The following PPP1R1C variants were observed in gnomAD, a reference collection of about 807,000 sequenced individuals.
PPP1R1C encodes the protein protein phosphatase 1 regulatory inhibitor subunit 1C, also known as protein phosphatase 1 regulatory subunit 1C.
In PPP1R1C, 15 loss-of-function variants were observed where a neutral mutation model predicts 17.4. The ratio of observed to expected loss-of-function variants is 0.86; its 90% CI spans 0.58 to 1.33. PPP1R1C has a LOEUF of 1.33. PPP1R1C is among the 40% of genes most tolerant of loss of function. The pLI is 0.00. For missense variants in PPP1R1C, 143 were observed against 130.0 expected (o/e 1.10, Z -0.48); for synonymous variants, 35 against 43.1 (o/e 0.81, Z 0.73).
At chr2:181,989,017 C>A (rs79762094) in intron 2 of PPP1R1C, among the ~76,000 whole-genome samples, 2,312 of 152,140 alleles carry the variant, frequency 0.015, 68 homozygotes, top group African/African-American at 0.052. Flanking sequence ...ATAAGAGGTG[C>A]AAATGATATG....
chr2:181,991,932 A>C (rs1000525123), intron 2 of PPP1R1C, among the ~76,000 whole-genome samples: 12 of 152,208 alleles, frequency 7.9e-5, no homozygotes, highest in African/African-American at 2.9e-4. Context: ...AATAAATGGC[A>C]AAGATACTTT....
chr2:182,095,353 T>C (rs990138104), intron 4 of PPP1R1C, among the ~76,000 whole-genome samples: 4 of 152,122 alleles, frequency 2.6e-5, no homozygotes, highest in Non-Finnish European at 4.4e-5. Context: ...CTATATAATC[T>C]TTTTAAAATT....
intron 2 of PPP1R1C, among the ~76,000 whole-genome samples, chr2:182,013,825 GAT>G (rs1234252110): frequency 1.3e-5 from 2 of 152,112 alleles, no homozygotes; most frequent in Non-Finnish European, 2.9e-5. Context: ...AAGAGACTCA[GAT>G]ATGTTTTTCA....
intron 4 of PPP1R1C, among the ~76,000 whole-genome samples, chr2:182,069,912 CTAA>C (rs1688093555): frequency 6.6e-6 from 1 of 152,118 alleles, no homozygotes; most frequent in Non-Finnish European, 1.5e-5. Context: ...TGTGTAAGTA[CTAA>C]TAACACACTG....
At chr2:182,129,030 C>T (rs10181222) in exon 6 of PPP1R1C, 42,133 of 151,960 alleles carry the variant, frequency 0.28, 6,785 homozygotes, top group African/African-American at 0.43. Context: ...TGCTTCTACT[C>T]GAGCTTGGAA....
At chr2:182,036,589 ATC>A (rs1687010686) in intron 2 of PPP1R1C, among the ~76,000 whole-genome samples, 1 of 152,202 alleles carries the variant, frequency 6.6e-6, no homozygotes, top group Admixed American at 6.5e-5. Context: ...TCTCTAAGGT[ATC>A]TCTGCATTCT....
intron 2 of PPP1R1C, among the ~76,000 whole-genome samples, chr2:182,004,077 A>G (rs1290113233): frequency 6.6e-6 from 1 of 152,180 alleles, no homozygotes; most frequent in Non-Finnish European, 1.5e-5. Flanking sequence ...CCTAGTTAAA[A>G]TATCTTTTCT....
At chr2:182,052,002 C>CA (rs113640993) in intron 2 of PPP1R1C, among the ~76,000 whole-genome samples, 6,625 of 126,050 alleles carry the variant, frequency 0.053, 399 homozygotes, top group Admixed American at 0.2. Context: ...GACTCTGTCT[C>CA]AAAAAAAAAA....
At chr2:181,988,099 C>T (rs1685356515) in intron 2 of PPP1R1C, among the ~76,000 whole-genome samples, 200 bp downstream of exon 2, 1 of 152,176 alleles carries the variant, frequency 6.6e-6, no homozygotes, top group Admixed American at 6.5e-5. Context: ...GCCTGTATTT[C>T]CTCTAGAATA....
Position 181,962,531 on chromosome 2 carries a change from A to G in PPP1R1C, n.111+7897A>G, listed in dbSNP as rs1574340270. 8.3e-6 allele frequency: 5 copies of G among 605,238 alleles called. No individual in the cohort carries two copies. Among genetic ancestry groups the G allele is most frequent in the Non-Finnish European group, 1.2e-5 (4 of 332,056 alleles). 37.5% of individuals were successfully genotyped at this position (605,238 alleles called of 1,614,324 possible). On this transcript the variant is annotated intron_variant and non_coding_transcript_variant, in intron 1 of 5. Coordinates refer to the PPP1R1C transcript ENST00000464264. The surrounding 1 kb of genome is among the most constrained non-coding windows in gnomAD (Gnocchi z 6.0). ...AGGACTCAGGCTTTGCCGACCCGTC[A>G]TAGCAGTTTTCTAAGGAACCTGCAG...
At chr2:182,101,497 T>G (rs1229059061) in intron 4 of PPP1R1C, among the ~76,000 whole-genome samples, 1 of 152,160 alleles carries the variant, frequency 6.6e-6, no homozygotes, top group Non-Finnish European at 1.5e-5. Flanking sequence ...GTTGGGTAGA[T>G]AAAGCATGAA....
Position 181,987,860 on chromosome 2 carries a change from C to A in PPP1R1C, c.103C>A (p.Pro35Thr). 1 of 1,613,412 alleles carries A rather than the reference C, an allele frequency of 6.2e-7. No individual in the cohort carries two copies. The change falls in exon 2 of 5, where the codon CCA becomes ACA. Residue 35 changes from proline (P) to threonine (T), a missense_variant. Pro to Thr is a conservative substitution (Grantham distance 38). Transcript: ENST00000682840. The stretch of plus-strand genomic sequence containing the variant: ...ACAGATCAGGAAAAGAAGACCTACA[C>A]CAGCATCACTTGTGATTCTCAATGA... Reference protein sequence around the residue: ...AEQIRKRRPTPASLVILNEHN... With the variant: ...AEQIRKRRPTTASLVILNEHN...
chr2:181,991,233 A>T (rs553548746), intron 2 of PPP1R1C, among the ~76,000 whole-genome samples: 1 of 152,080 alleles, frequency 6.6e-6, no homozygotes, highest in South Asian at 2.1e-4. Flanking sequence ...ATATTTCAAG[A>T]TGTATATTCA....
intron 2 of PPP1R1C, among the ~76,000 whole-genome samples, chr2:182,022,283 T>C (rs1053788104): frequency 6.6e-6 from 1 of 152,222 alleles, no homozygotes; most frequent in East Asian, 1.9e-4. Flanking sequence ...ATAGGCTAAA[T>C]ACCACTTTGC....
At chr2:182,023,806 T>C (rs1164860374) in intron 2 of PPP1R1C, 2 of 151,990 alleles carry the variant, frequency 1.3e-5, no homozygotes, top group Non-Finnish European at 2.9e-5. Flanking sequence ...TTATTGTTTT[T>C]AATTTTTTTT....
At chr2:181,970,839 T>C (rs1684994071) in intron 1 of PPP1R1C, among the ~76,000 whole-genome samples, 1 of 152,178 alleles carries the variant, frequency 6.6e-6, no homozygotes, top group African/African-American at 2.4e-5. Context: ...AGGGGACTCC[T>C]TCTGTGGCCA....
Position 181,986,099 on chromosome 2 carries a change from A to G in PPP1R1C, c.-12A>G, listed in dbSNP as rs774533816. The G allele has an allele frequency of 3.1e-6, 5 of 1,610,282 alleles. No homozygotes were observed. The highest frequency in any genetic ancestry group is 2.2e-5 in the East Asian group (1 of 44,860). On this transcript the variant is annotated 5_prime_UTR_variant, in exon 1 of 5. Transcript: ENST00000682840. ...GAGCTCTTCACATCTCTGACTAATT[A>G]TCATCATTACCATGGAGCCCAACAG...
chr2:182,012,433 T>C (rs1686112598), intron 2 of PPP1R1C, among the ~76,000 whole-genome samples: 1 of 152,042 alleles, frequency 6.6e-6, no homozygotes, highest in African/African-American at 2.4e-5. Flanking sequence ...ATATTGTATG[T>C]CATTTCTGGT....
At chr2:182,015,422 C>A (rs1009092929) in intron 2 of PPP1R1C, among the ~76,000 whole-genome samples, 1 of 152,082 alleles carries the variant, frequency 6.6e-6, no homozygotes, top group African/African-American at 2.4e-5. Context: ...TTTATAATTA[C>A]CCAGTCTCTG....
Sources: allele counts gnomAD v4.1 joint callset (sites outside exome capture counted in the v4.1 genomes callset), GRCh38; gene constraint gnomAD v4.1.1; non-coding constraint Gnocchi (gnomAD v3.1); transcripts MANE v1.5; gene names NCBI Gene and HGNC (gene_info 2026-07-23, HGNC 2026-07-21).